Variants in GRIN3B observed in about 807,000 individuals in gnomAD.
The protein encoded by GRIN3B is glutamate ionotropic receptor NMDA type subunit 3B.
GRIN3B carries 77 observed loss-of-function variants against 66.0 expected under a neutral mutation model. The ratio of observed to expected loss-of-function variants is 1.17; its 90% confidence interval spans 0.97 to 1.41. The LOEUF is 1.41. Ranked by LOEUF, GRIN3B falls within the 40% of genes most tolerant of loss-of-function variation. The pLI is 0.00. For missense variants in GRIN3B, 1,787 were observed against 1,564.5 expected, an observed-to-expected ratio of 1.14 and a Z score of -2.40; for synonymous variants, 823 against 749.7, an observed-to-expected ratio of 1.10 and a Z score of -1.60.
In GRIN3B at chr19:1,009,252, G is replaced by A. The variant is rs200419950; in HGVS notation, c.2782G>A (p.Val928Met). ...PEGWKRARRA[V>M]DKERRVRFLL... The stretch of plus-strand genomic sequence containing the variant: ...GGGCTGGAAACGGGCGCGCCGGGCC[G>A]TGGACAAGGAGCGCCGCGTGCGCTT... The change falls in exon 9 of 9, where the codon GTG becomes ATG. Residue 928 changes from valine (V) to methionine (M), a missense_variant. Physicochemically the swap from Val to Met is conservative, Grantham distance 21. Transcript: ENST00000234389. 1.1e-3 allele frequency: 1,507 copies of A among 1,434,692 alleles called. 18 individuals are homozygous for A. In the African/African-American group the frequency reaches 0.021, roughly 20 times the overall value. The allele number at this position is 1,434,692 out of a possible 1,614,324, so 88.9% of individuals were successfully genotyped here. A position where few individuals can be genotyped will look rare whatever the true frequency, so the allele number is the denominator to read the frequency against.
At position 1,000,860 on chromosome 19, in the gene GRIN3B, C is replaced by T; in HGVS notation, c.423C>T (p.Ala141=). 7.1e-7 allele frequency: 1 copy of T among 1,412,194 alleles called. No homozygotes were observed. The highest frequency in any genetic ancestry group is 9.2e-7 in the Non-Finnish European group (1 of 1,087,680). 87.5% of individuals were successfully genotyped at this position (1,412,194 alleles called of 1,614,324 possible). ...GGGAGGCGCGCGCGCCCCTCGGAGC[C>T]CCGGTACGCGGGACGCCCGGAGTCA... ...LRREARAPLG[A]PNPFHLQLHW... Residue 141 remains alanine (A), a synonymous_variant, in exon 1 of 9, where the codon GCC becomes GCT. Transcript: ENST00000234389.
rs1233125557 is a variant in GRIN3B at position 1,008,292 on chromosome 19, G to T, written c.2466+1G>T. ...CAAGCGGGTCTTTGCGGTTACAGAG[G>T]TGGGGCAGGGCCTGGGACAGAGGGT... On this transcript the variant is annotated splice_donor_variant, in intron 6 of 8. Coordinates refer to ENST00000234389, the MANE Select transcript of GRIN3B (RefSeq NM_138690.3). LOFTEE classifies it high-confidence loss of function. The T allele has an allele frequency of 6.3e-7, 1 of 1,596,398 alleles. No homozygotes were observed. Among genetic ancestry groups the T allele is most frequent in the African/African-American group, 1.4e-5 (1 of 72,140 alleles).
rs2038705570 is a variant in GRIN3B at position 1,003,481 on chromosome 19, T to C, written c.778T>C (p.Leu260=). The change falls in exon 2 of 9, where the codon TTG becomes CTG. Residue 260 remains leucine, a synonymous_variant. Coordinates refer to ENST00000234389, the MANE Select transcript of GRIN3B (RefSeq NM_138690.3). ...EAVPPGPHWL[L]GTPLPPKALP... ...CGTACCTCCCGGCCCCCACTGGCTG[T>C]TGGGGACACCACTGCCGCCCAAGGC... 2.6e-6 allele frequency: 4 copies of C among 1,537,864 alleles called. No individual in the cohort carries two copies. Among genetic ancestry groups the C allele is most frequent in the South Asian group, 2.4e-5 (2 of 84,114 alleles).
chr19:1,005,328 C>G lies in GRIN3B; in HGVS notation c.1827C>G (p.Asn609Lys), dbSNP rs1375097753. Reference sequence around the variant, plus strand: ...ACGGCCTCACGCCACGTGGCCGCAACCGCAGCACCGTCTTCTCCTACTCCT... The same window carrying G: ...ACGGCCTCACGCCACGTGGCCGCAAGCGCAGCACCGTCTTCTCCTACTCCT... ...SPYGLTPRGRNRSTVFSYSSA... is the reference protein window; with the variant it reads ...SPYGLTPRGRKRSTVFSYSSA... Residue 609 changes from asparagine (N) to lysine (K), a missense_variant, in exon 3 of 9, where the codon AAC becomes AAG. Physicochemically the swap from Asn to Lys is moderately conservative, Grantham distance 94. Coordinates refer to ENST00000234389, the MANE Select transcript of GRIN3B (RefSeq NM_138690.3). This position sits in a 1 kb window ranked among gnomAD's most constrained non-coding sequence, Gnocchi z 5.2. The G allele has an allele frequency of 7.4e-6, 12 of 1,613,778 alleles. No homozygotes were observed. Among genetic ancestry groups the G allele is most frequent in the Non-Finnish European group, 1.0e-5 (12 of 1,180,004 alleles).
Position 1,003,686 on chromosome 19 carries a change from C to T in GRIN3B, c.983C>T (p.Pro328Leu), listed in dbSNP as rs948615995. Residue 328 changes from proline to leucine, a missense_variant, in exon 2 of 9, where the codon CCG becomes CTG. Transcript: ENST00000234389. ...CCGGTCAACTGCGGGGACCTGCAGC[C>T]GGCCGGGCCCGAGTCCCCGGGGCGC... ...PAPVNCGDLQPAGPESPGRFL... is the reference protein window; with the variant it reads ...PAPVNCGDLQLAGPESPGRFL... 4.0e-5 allele frequency: 56 copies of T among 1,406,020 alleles called. No homozygotes were observed. The highest frequency in any genetic ancestry group is 6.1e-5 in the African/African-American group (4 of 65,528). 87.1% of individuals were successfully genotyped at this position (1,406,020 alleles called of 1,614,324 possible).
chr19:1,003,008 GA>G, intron 1 of GRIN3B, 121 bp from the exon 2 acceptor site: 1 of 608,848 alleles, frequency 1.6e-6, no homozygotes. Context: ...GGGCTGGGGG[GA>G]GGTGGAGGGG....
rs2038736863 is a variant in GRIN3B at position 1,005,365 on chromosome 19, C to T, written c.1864C>T (p.Leu622=). 2 of 1,613,742 alleles carry T rather than the reference C, an allele frequency of 1.2e-6. No individual in the cohort carries two copies. Among genetic ancestry groups the T allele is most frequent in the South Asian group, 2.2e-5 (2 of 91,084 alleles). The change falls in exon 3 of 9, where the codon CTG becomes TTG. Residue 622 remains leucine (L), a synonymous_variant. Transcript: ENST00000234389. The surrounding 1 kb of genome is among the most constrained non-coding windows in gnomAD (Gnocchi z 5.2). ...TVFSYSSALN[L]CYAILFRRTV... ...CTTCTCCTACTCCTCAGCCCTCAAC[C>T]TGTGCTACGCCATCCTCTTCAGACG...
chr19:1,003,607 C>A lies in GRIN3B; in HGVS notation c.904C>A (p.Arg302=). The change falls in exon 2 of 9, where the codon CGG becomes AGG. Residue 302 remains arginine (R), a synonymous_variant. Transcript: ENST00000234389. ...AIHDIVQLVA[R]ALGSAAQVQP... is the part of the protein sequence containing the mutation. ...CCATGACATTGTGCAACTGGTGGCCCGGGCGCTGGGCAGTGCGGCCCAGGT... is the reference window on the plus strand; with the variant it reads ...CCATGACATTGTGCAACTGGTGGCCAGGGCGCTGGGCAGTGCGGCCCAGGT... The A allele has an allele frequency of 1.4e-6, 2 of 1,458,666 alleles. No individual in the cohort carries two copies. The highest frequency in any genetic ancestry group is 1.4e-5 in the South Asian group (1 of 72,392). The allele number at this position is 1,458,666 out of a possible 1,614,324, so 90.4% of individuals were successfully genotyped here. A position where few individuals can be genotyped will look rare whatever the true frequency, so the allele number is the denominator to read the frequency against.
chr19:1,006,403 C>T (rs1445173963), intron 3 of GRIN3B, among the ~76,000 whole-genome samples: 1 of 152,144 alleles, frequency 6.6e-6, no homozygotes, highest in African/African-American at 2.4e-5. Context: ...CCTCGGCCTC[C>T]CAAGTGCTGG....
chr19:1,008,894 G>A lies in GRIN3B; in HGVS notation c.2669G>A (p.Gly890Glu), dbSNP rs1241512074. ...GCCCTCAACACGGAGCCACCAGAGG[G>A]GTCGAAGGAGGAGACGGCAGAGGCG... ...HRALNTEPPE[G>E]SKEETAEAEP... is the part of the protein sequence containing the mutation. The change falls in exon 8 of 9, where the codon GGG becomes GAG. Residue 890 changes from glycine to glutamate, a missense_variant. Transcript: ENST00000234389. 6.2e-7 allele frequency: 1 copy of A among 1,610,760 alleles called. No homozygotes were observed. Among genetic ancestry groups the A allele is most frequent in the Non-Finnish European group, 8.5e-7 (1 of 1,178,910 alleles).
Position 1,005,380 on chromosome 19 carries a change from C to T in GRIN3B, c.1879C>T (p.Leu627Phe), listed in dbSNP as rs1456104518. ...AGCCCTCAACCTGTGCTACGCCATC[C>T]TCTTCAGACGCACCGTGTCCAGCAA... The part of the protein sequence containing the change: ...SSALNLCYAI[L>F]FRRTVSSKTP... The change falls in exon 3 of 9, where the codon CTC (leucine) becomes TTC (phenylalanine). Residue 627 changes from leucine (L) to phenylalanine (F), a missense_variant. Transcript: ENST00000234389. This position sits in a 1 kb window ranked among gnomAD's most constrained non-coding sequence, Gnocchi z 5.2. 1.2e-6 allele frequency: 2 copies of T among 1,613,648 alleles called. No homozygotes were observed. The highest frequency in any genetic ancestry group is 1.7e-5 in the Admixed American group (1 of 60,012).
In GRIN3B at chr19:1,009,693, T is replaced by C. The variant is rs899894291; in HGVS notation, c.*91T>C. 1.0e-5 allele frequency: 11 copies of C among 1,058,308 alleles called. No individual in the cohort carries two copies. The highest frequency in any genetic ancestry group is 1.4e-5 in the Non-Finnish European group (11 of 797,018). The allele number at this position is 1,058,308 out of a possible 1,614,324, so 65.6% of individuals were successfully genotyped here. ...GTTTATTCTATATACAAACACAATTTTGTACACTGCAATTAAATAGAATGG... is the reference window on the plus strand; with the variant it reads ...GTTTATTCTATATACAAACACAATTCTGTACACTGCAATTAAATAGAATGG... On this transcript the variant is annotated 3_prime_UTR_variant, in exon 9 of 9. Transcript: ENST00000234389.
In GRIN3B at chr19:1,007,838, C is replaced by T; in HGVS notation, c.2199-18C>T. The T allele has an allele frequency of 1.3e-6, 2 of 1,580,852 alleles. No individual in the cohort carries two copies. Among genetic ancestry groups the T allele is most frequent in the African/African-American group, 1.4e-5 (1 of 73,964 alleles). On this transcript the variant is annotated intron_variant, in intron 4 of 8. Coordinates refer to ENST00000234389, the MANE Select transcript of GRIN3B (RefSeq NM_138690.3). The surrounding 1 kb of genome is among the most constrained non-coding windows in gnomAD (Gnocchi z 4.4). ...GGTGGGCGGGGCGATGGCTGACCCC[C>T]GCCCCCGGCCCCAGCAGGAGCGACC...
rs2038775512 is a variant in GRIN3B at position 1,007,974 on chromosome 19, G to A, written c.2314+3G>A. The A allele has an allele frequency of 1.2e-6, 2 of 1,611,434 alleles. No individual in the cohort carries two copies. Among genetic ancestry groups the A allele is most frequent in the African/African-American group, 2.7e-5 (2 of 74,888 alleles). On this transcript the variant is annotated splice_donor_region_variant and intron_variant, in intron 5 of 8. Transcript: ENST00000234389. This position sits in a 1 kb window ranked among gnomAD's most constrained non-coding sequence, Gnocchi z 4.4. ...GGGAAAGCCCTTCGCCATTGAGGGT[G>A]AGAGGCACCTGGGCGAGGCGGGGCG...
At position 1,007,079 on chromosome 19, in the gene GRIN3B, G is replaced by A. The variant is rs965931602; in HGVS notation, c.2053-549G>A. ...GTCGAGGATGTTGATGGGGAAGGAG[G>A]CTGGGTTCGACGCTGGGCCCCAACC... On this transcript the variant is annotated intron_variant, in intron 3 of 8. Transcript: ENST00000234389. The surrounding 1 kb of genome is among the most constrained non-coding windows in gnomAD (Gnocchi z 4.4). Among the ~76,000 whole-genome samples the A allele has an allele frequency of 1.3e-5, 2 of 152,208 alleles. No individual in the cohort carries two copies. Among genetic ancestry groups the A allele is most frequent in the Non-Finnish European group, 2.9e-5 (2 of 68,036 alleles).
intron 7 of GRIN3B, 37 bp from the exon 8 acceptor site, chr19:1,008,820 C>A (rs764491913): frequency 8.2e-6 from 13 of 1,591,454 alleles, no homozygotes; most frequent in South Asian, 1.1e-5. Context: ...CCCACCCCCC[C>A]CGCCTCCTCG....
rs35592366 is a variant in GRIN3B, at chr19:1,003,222, C to A, written c.519C>A (p.Asp173Glu). ...TGCTGCAGGCGCACGCCTGGGAAGA[C>A]GTCGGCCTGGCCCTGTGCCGCACTC... ...VAVLQAHAWE[D>E]VGLALCRTQD... is the part of the protein sequence containing the mutation. Residue 173 changes from aspartate (D) to glutamate (E), a missense_variant, in exon 2 of 9, where the codon GAC (aspartate) becomes GAA (glutamate). Coordinates refer to ENST00000234389, the MANE Select transcript of GRIN3B (RefSeq NM_138690.3). The A allele has an allele frequency of 0.063, 98,624 of 1,570,484 alleles. 3,887 individuals are homozygous for A. The highest frequency in any genetic ancestry group is 0.17 in the African/African-American group (12,530 of 72,060).
At position 1,008,715 on chromosome 19, in the gene GRIN3B, T is replaced by C. The variant is rs779213254; in HGVS notation, c.2564T>C (p.Phe855Ser). 1.9e-6 allele frequency: 3 copies of C among 1,608,946 alleles called. No homozygotes were observed. The South Asian group carries it at 3.3e-5, about 18-fold the overall frequency. Residue 855 changes from phenylalanine (F) to serine (S), a missense_variant, in exon 7 of 9, where the codon TTC becomes TCC. Physicochemically the swap from Phe to Ser is radical, Grantham distance 155. Transcript: ENST00000234389. ...ALLSSLGEHAFFRLALPRIRK... is the reference protein window; with the variant it reads ...ALLSSLGEHASFRLALPRIRK... ...CTCAGCTCGCTGGGCGAGCACGCCTTCTTCCGCCTGGCGCTGCCGCGCATC... is the reference window on the plus strand; with the variant it reads ...CTCAGCTCGCTGGGCGAGCACGCCTCCTTCCGCCTGGCGCTGCCGCGCATC...
In GRIN3B at chr19:1,008,721, G is replaced by A. The variant is rs771123779; in HGVS notation, c.2570G>A (p.Arg857His). ...LSSLGEHAFF[R>H]LALPRIRKGS... ...TCGCTGGGCGAGCACGCCTTCTTCC[G>A]CCTGGCGCTGCCGCGCATCCGCAAG... Residue 857 changes from arginine (R) to histidine (H), a missense_variant, in exon 7 of 9, where the codon CGC becomes CAC. Physicochemically the swap from Arg to His is conservative, Grantham distance 29 (BLOSUM62 0). Transcript: ENST00000234389. The A allele has an allele frequency of 6.2e-6, 10 of 1,608,050 alleles. No individual in the cohort carries two copies. Among genetic ancestry groups the A allele is most frequent in the African/African-American group, 1.3e-5 (1 of 74,882 alleles).
Sources: gnomAD v4.1 joint callset for allele counts (sites outside exome capture counted in the v4.1 genomes callset) on GRCh38, gnomAD v4.1.1 for gene constraint, Gnocchi (gnomAD v3.1) non-coding constraint, MANE v1.5 for transcripts, NCBI Gene and HGNC (gene_info 2026-07-23, HGNC 2026-07-21) for gene names.